PLB1: variants seen among roughly 807,000 people sequenced by gnomAD.
PLB1 encodes the protein phospholipase B1, membrane-associated.
In PLB1, 242 loss-of-function variants were observed where a neutral mutation model predicts 227.4. The observed-to-expected ratio is 1.06, with a 90% CI of 0.96 to 1.18. PLB1 has a LOEUF of 1.18. Among genes scored for constraint, PLB1 ranks in the 50% most tolerant of loss-of-function variants. The pLI is 0.00. For missense variants in PLB1, 1,858 were observed against 1,816.3 expected, an observed-to-expected ratio of 1.02 and a Z score of -0.42; for synonymous variants, 757 against 682.2, an observed-to-expected ratio of 1.11 and a Z score of -1.71.
chr2:28,583,404 G>A (rs189812926), intron 25 of PLB1, among the ~76,000 whole-genome samples: 249 of 152,034 alleles, frequency 1.6e-3, no homozygotes, highest in African/African-American at 5.8e-3. Flanking sequence ...AGCTGGTCCC[G>A]AACTGCTGAC....
intron 17 of PLB1, among the ~76,000 whole-genome samples, chr2:28,559,921 T>A (rs1675784707): frequency 6.6e-6 from 1 of 151,904 alleles, no homozygotes; most frequent in Non-Finnish European, 1.5e-5. Flanking sequence ...CTGGCTAATT[T>A]TTGTATTTTT....
At chr2:28,515,055 T>A (rs1668683432) in intron 1 of PLB1, among the ~76,000 whole-genome samples, 1 of 152,180 alleles carries the variant, frequency 6.6e-6, no homozygotes, top group Non-Finnish European at 1.5e-5. Context: ...ATTTATCTCA[T>A]AAAGTTGTCA....
Position 28,541,788 on chromosome 2 carries a change from G to A in PLB1, c.856G>A (p.Glu286Lys). The A allele has an allele frequency of 1.2e-6, 2 of 1,613,610 alleles. No homozygotes were observed. Among genetic ancestry groups the A allele is most frequent in the Admixed American group, 1.7e-5 (1 of 60,016 alleles). The change falls in exon 13 of 58, where the codon GAG (glutamate) becomes AAG (lysine). Residue 286 changes from glutamate to lysine, a missense_variant. Physicochemically the swap from Glu to Lys is moderately conservative, Grantham distance 56 (BLOSUM62 1). Transcript: ENST00000327757. ...FTVVFQPFFY[E>K]TTPSLHSEDP... ...CGTGGTTTTCCAGCCTTTCTTCTAT[G>A]AGACCACCCCATCTCTACACTCGGT...
chr2:28,536,482 C>T (rs1343740999), intron 9 of PLB1, among the ~76,000 whole-genome samples: 1 of 152,214 alleles, frequency 6.6e-6, no homozygotes, highest in African/African-American at 2.4e-5. Flanking sequence ...TCTCTAGCTA[C>T]AGGTGGCAGC....
chr2:28,605,831 G>T, intron 41 of PLB1, 22 bp from the exon 42 acceptor site: 1 of 1,578,494 alleles, frequency 6.3e-7, no homozygotes, highest in Non-Finnish European at 8.7e-7. Context: ...GGATCTTGAG[G>T]GGGTATATTG....
rs1469401126 is a variant in PLB1 at position 28,605,249 on chromosome 2, C to T, written c.2961+490C>T. Among the ~76,000 whole-genome samples the T allele has an allele frequency of 3.3e-5, 5 of 152,300 alleles. No homozygotes were observed. The East Asian group carries it at 9.6e-4, about 29-fold the overall frequency. On this transcript the variant is annotated intron_variant, in intron 41 of 57. Transcript: ENST00000327757. The stretch of plus-strand genomic sequence containing the variant: ...CACCCAGGCCATGCCCTTTGCCTGG[C>T]ACTTCCACTCTGAACAGAAGAGATC...
At chr2:28,548,813 C>T in intron 14 of PLB1, 47 bp from the exon 15 acceptor site, 1 of 1,587,008 alleles carries the variant, frequency 6.3e-7, no homozygotes, top group Admixed American at 1.7e-5. Flanking sequence ...TGGCAGGCTG[C>T]TACCTGCACA....
chr2:28,520,720 C>T (rs925058581), intron 4 of PLB1, among the ~76,000 whole-genome samples: 3 of 152,176 alleles, frequency 2.0e-5, no homozygotes, highest in Admixed American at 6.5e-5. Context: ...CACCTGTAAT[C>T]CCAGCATTTT....
At chr2:28,577,877 A>G (rs755667799) in intron 21 of PLB1, among the ~76,000 whole-genome samples, 1 of 152,034 alleles carries the variant, frequency 6.6e-6, no homozygotes, top group Non-Finnish European at 1.5e-5. Flanking sequence ...ACTGAGAATC[A>G]CCCCCTCCTA....
intron 9 of PLB1, among the ~76,000 whole-genome samples, chr2:28,537,022 T>C (rs1341710441): frequency 6.6e-6 from 1 of 152,174 alleles, no homozygotes; most frequent in Non-Finnish European, 1.5e-5. Context: ...CCCTGGGCTC[T>C]TCAGGAAAGA....
intron 57 of PLB1, among the ~76,000 whole-genome samples, chr2:28,642,409 G>C (rs965630080): frequency 3.3e-5 from 5 of 152,116 alleles, no homozygotes; most frequent in Admixed American, 2.6e-4. Context: ...CTCCCCTCCC[G>C]GCCCTTCTGA....
At chr2:28,526,025 AT>A in intron 6 of PLB1, 80 bp downstream of exon 6, 1 of 1,512,358 alleles carries the variant, frequency 6.6e-7, no homozygotes, top group Non-Finnish European at 9.1e-7. Flanking sequence ...AATAAAGAGA[AT>A]GGACACCACC....
At chr2:28,516,927 C>T (rs1668921489) in intron 2 of PLB1, 58 bp downstream of exon 2, 2 of 1,559,292 alleles carry the variant, frequency 1.3e-6, no homozygotes, top group Non-Finnish European at 1.8e-6. Flanking sequence ...GAGGATTTTC[C>T]TTGTAGTGGG....
intron 23 of PLB1, 60 bp from the exon 24 acceptor site, chr2:28,582,008 C>T: frequency 6.7e-7 from 1 of 1,501,730 alleles, no homozygotes; most frequent in Non-Finnish European, 9.3e-7. Context: ...GAAAGTAGCC[C>T]TGTTCTGTAG....
chr2:28,566,516 G>A, intron 19 of PLB1: 1 of 427,620 alleles, frequency 2.3e-6, no homozygotes, highest in Non-Finnish European at 4.2e-6. Flanking sequence ...CCCTTTGAAA[G>A]CAGGGGTGCA....
At chr2:28,627,403 C>G (rs544854707) in intron 51 of PLB1, among the ~76,000 whole-genome samples, 45 of 152,210 alleles carry the variant, frequency 3.0e-4, no homozygotes, top group Admixed American at 1.5e-3. Context: ...ATGCCCTCTA[C>G]TAGTCCCAGG....
chr2:28,610,588 G>A (rs2148313312), intron 43 of PLB1, among the ~76,000 whole-genome samples: 1 of 152,242 alleles, frequency 6.6e-6, no homozygotes, highest in East Asian at 1.9e-4. Flanking sequence ...TGCACACATG[G>A]CTGCCAACCC....
chr2:28,510,617 T>TTC (rs1302498660), intron 1 of PLB1, among the ~76,000 whole-genome samples: 6 of 112,864 alleles, frequency 5.3e-5, no homozygotes, highest in Admixed American at 2.2e-4. Flanking sequence ...TTTTTTCTTT[T>TTC]TCTCTCTCTT....
At chr2:28,610,890 C>A (rs895186387) in intron 43 of PLB1, among the ~76,000 whole-genome samples, 84 of 152,254 alleles carry the variant, frequency 5.5e-4, no homozygotes, top group Non-Finnish European at 9.1e-4. Context: ...AGTCGGCCCC[C>A]CTTTCTACTC....
Sources: allele counts gnomAD v4.1 joint callset (sites outside exome capture counted in the v4.1 genomes callset), GRCh38; gene constraint gnomAD v4.1.1; transcripts MANE v1.5; gene names NCBI Gene and HGNC (gene_info 2026-07-23, HGNC 2026-07-21).